Variants in MTHFD1L observed in about 807,000 individuals in gnomAD.
The protein encoded by MTHFD1L is methylenetetrahydrofolate dehydrogenase (NADP+ dependent) 1 like.
MTHFD1L carries 81 observed loss-of-function variants against 119.5 expected under a neutral mutation model. The observed-to-expected ratio is 0.68, with a 90% CI of 0.57 to 0.82. The LOEUF (loss-of-function observed/expected upper bound fraction) is 0.82. MTHFD1L is among the 40% of genes least tolerant of loss of function. The probability of loss-of-function intolerance (pLI) is 0.00; values close to 1 mark genes in which losing one functional copy is unlikely to be tolerated. For synonymous variants in MTHFD1L, 430 were observed against 475.2 expected (o/e 0.90, Z 1.24); for missense variants, 1,125 against 1,253.4 (o/e 0.90, Z 1.55).
At chr6:150,869,681 T>C (rs1488811098) in intron 1 of MTHFD1L, among the ~76,000 whole-genome samples, 2 of 151,756 alleles carry the variant, frequency 1.3e-5, no homozygotes, top group African/African-American at 2.4e-5. Flanking sequence ...AATTGAGTTA[T>C]GTGCATGGTT....
At chr6:151,019,495 T>C (rs1401564462) in intron 24 of MTHFD1L, among the ~76,000 whole-genome samples, 1 of 152,152 alleles carries the variant, frequency 6.6e-6, no homozygotes, top group Non-Finnish European at 1.5e-5. Flanking sequence ...GCTGCTAAAA[T>C]GTCAGCTCTC....
At chr6:150,948,848 T>C (rs13191703) in intron 15 of MTHFD1L, among the ~76,000 whole-genome samples, 183 bp from the exon 16 acceptor site, 32,146 of 134,024 alleles carry the variant, frequency 0.24, 6,025 homozygotes, top group East Asian at 0.42. Context: ...TCCATGTTGG[T>C]CAGGCTGGTC....
chr6:151,035,114 A>G (rs115381632), intron 25 of MTHFD1L, among the ~76,000 whole-genome samples: 1,795 of 152,278 alleles, frequency 0.012, 29 homozygotes, highest in African/African-American at 0.04. Context: ...GTCCGCTGAG[A>G]TTGAAGGCTC....
At chr6:151,073,201 C>A (rs1792125204) in intron 26 of MTHFD1L, among the ~76,000 whole-genome samples, 1 of 152,142 alleles carries the variant, frequency 6.6e-6, no homozygotes, top group Non-Finnish European at 1.5e-5. Flanking sequence ...GAGAGAACTG[C>A]ATAGAGAGAG....
At chr6:150,948,802 A>ACTTG (rs1562437035) in intron 15 of MTHFD1L, among the ~76,000 whole-genome samples, 1 of 136,418 alleles carries the variant, frequency 7.3e-6, no homozygotes, top group African/African-American at 2.5e-5. Context: ...CACCATGCCC[A>ACTTG]GCTAATTTTT....
chr6:151,024,388 A>T (rs1290550594), intron 24 of MTHFD1L, among the ~76,000 whole-genome samples: 2 of 152,152 alleles, frequency 1.3e-5, no homozygotes, highest in Non-Finnish European at 2.9e-5. Flanking sequence ...AAAATATTTT[A>T]AAAATTAGCC....
intron 26 of MTHFD1L, among the ~76,000 whole-genome samples, chr6:151,082,428 A>G (rs371395329): frequency 6.6e-6 from 1 of 152,350 alleles, no homozygotes; most frequent in East Asian, 1.9e-4. Context: ...GGTCTTGGCT[A>G]TTGGTTTAGC....
At chr6:151,076,950 A>G (rs1301781611) in intron 26 of MTHFD1L, among the ~76,000 whole-genome samples, 1 of 152,214 alleles carries the variant, frequency 6.6e-6, no homozygotes, top group East Asian at 1.9e-4. Context: ...AGTTTATTGT[A>G]TGTAATTTGC....
intron 26 of MTHFD1L, among the ~76,000 whole-genome samples, chr6:151,056,935 A>T (rs1408226083): frequency 6.6e-6 from 1 of 152,236 alleles, no homozygotes; most frequent in Admixed American, 6.5e-5. Context: ...CAGTCCTGAC[A>T]ATAAATGTTG....
At chr6:151,007,565 G>A (rs1233627689) in intron 20 of MTHFD1L, among the ~76,000 whole-genome samples, 1 of 152,192 alleles carries the variant, frequency 6.6e-6, no homozygotes, top group African/African-American at 2.4e-5. Context: ...TTGCCAAGGT[G>A]CACAGCTGGG....
At chr6:151,035,119 A>G (rs776957134) in intron 25 of MTHFD1L, among the ~76,000 whole-genome samples, 12 of 152,212 alleles carry the variant, frequency 7.9e-5, no homozygotes, top group Non-Finnish European at 1.5e-4. Context: ...CTGAGATTGA[A>G]GGCTCCATCA....
intron 2 of MTHFD1L, among the ~76,000 whole-genome samples, chr6:150,876,915 C>T (rs1780547209): frequency 1.3e-5 from 2 of 152,162 alleles, no homozygotes; most frequent in South Asian, 4.1e-4. Flanking sequence ...GATCTGTAGC[C>T]ACATCTTGTT....
intron 1 of MTHFD1L, among the ~76,000 whole-genome samples, chr6:150,871,826 T>C (rs939659142): frequency 1.3e-5 from 2 of 150,346 alleles, no homozygotes; most frequent in African/African-American, 4.9e-5. Context: ...TATAAATCCT[T>C]TGTTGTCATT....
intron 26 of MTHFD1L, among the ~76,000 whole-genome samples, chr6:151,085,898 G>A (rs956611993): frequency 3.9e-5 from 6 of 151,950 alleles, no homozygotes; most frequent in Middle Eastern, 3.4e-3. Flanking sequence ...CAGGGACTGG[G>A]TCCTGGTCAC....
At chr6:150,935,570 T>C (rs1348780600) in intron 11 of MTHFD1L, 4 of 1,449,696 alleles carry the variant, frequency 2.8e-6, no homozygotes, top group Non-Finnish European at 3.8e-6. Context: ...AAGATGAATA[T>C]CAATATCTAT....
intron 15 of MTHFD1L, among the ~76,000 whole-genome samples, chr6:150,947,024 G>A (rs373023808): frequency 4.7e-5 from 7 of 149,208 alleles, no homozygotes; most frequent in African/African-American, 1.2e-4. Flanking sequence ...GCAGTGAGCC[G>A]AGATCGTGCC....
At chr6:150,922,426 A>G (rs183316231) in intron 10 of MTHFD1L, 124 bp downstream of exon 10, 446 of 579,040 alleles carry the variant, frequency 7.7e-4, no homozygotes, top group Non-Finnish European at 9.5e-4. Flanking sequence ...TTCTCTATTC[A>G]TTAAATTGCC....
intron 20 of MTHFD1L, among the ~76,000 whole-genome samples, chr6:150,980,170 T>A (rs187069193): frequency 6.6e-6 from 1 of 152,204 alleles, no homozygotes; most frequent in Non-Finnish European, 1.5e-5. Context: ...AGTGCTGGCT[T>A]ATTAGAGACT....
At chr6:151,001,067 A>G (rs1258643570) in intron 20 of MTHFD1L, among the ~76,000 whole-genome samples, 4 of 152,218 alleles carry the variant, frequency 2.6e-5, no homozygotes, top group Non-Finnish European at 5.9e-5. Context: ...TTCTTAACCT[A>G]TTTTGAGCTG....
Sources: allele counts gnomAD v4.1 joint callset (sites outside exome capture counted in the v4.1 genomes callset), GRCh38; gene constraint gnomAD v4.1.1; transcripts MANE v1.5; gene names NCBI Gene and HGNC (gene_info 2026-07-23, HGNC 2026-07-21).